Variants in ALPK2 observed in about 807,000 individuals in gnomAD.
ALPK2 encodes alpha kinase 2, also known as alpha-protein kinase 2.
ALPK2 carries 127 observed loss-of-function variants against 163.1 expected under a neutral mutation model. The ratio of observed to expected loss-of-function variants is 0.78; its 90% CI spans 0.67 to 0.90. The LOEUF is 0.90. Among genes scored for constraint, ALPK2 ranks in the 40% least tolerant of loss-of-function variants. The pLI is 0.00. For missense variants in ALPK2, 2,360 were observed against 2,589.6 expected (o/e 0.91, Z 1.92); for synonymous variants, 953 against 959.1 (o/e 0.99, Z 0.12).
intron 2 of ALPK2, among the ~76,000 whole-genome samples, chr18:58,611,170 C>G (rs768773407): frequency 6.7e-6 from 1 of 149,912 alleles, no homozygotes; most frequent in South Asian, 2.1e-4. Context: ...CCCAGCTACT[C>G]GGGAGGCTGA....
chr18:58,551,413 A>G (rs1248702326), intron 4 of ALPK2, among the ~76,000 whole-genome samples: 1 of 152,056 alleles, frequency 6.6e-6, no homozygotes, highest in African/African-American at 2.4e-5. Flanking sequence ...TCTTCCCTCT[A>G]TATCTTTCCG....
intron 4 of ALPK2, among the ~76,000 whole-genome samples, chr18:58,571,003 A>C (rs1056826450): frequency 4.6e-5 from 7 of 152,066 alleles, no homozygotes; most frequent in Non-Finnish European, 1.0e-4. Context: ...GACCTCAAAG[A>C]GGAGATGAGA....
chr18:58,603,066 TATA>T (rs2052079345), intron 3 of ALPK2, among the ~76,000 whole-genome samples: 1 of 152,234 alleles, frequency 6.6e-6, no homozygotes, highest in Non-Finnish European at 1.5e-5. Flanking sequence ...TTGTTTAGCA[TATA>T]ATCAATAAAT....
At chr18:58,563,832 T>C (rs1475155911) in intron 4 of ALPK2, among the ~76,000 whole-genome samples, 1 of 152,216 alleles carries the variant, frequency 6.6e-6, no homozygotes, top group African/African-American at 2.4e-5. Context: ...TCCCGATGGC[T>C]CTATTTATAC....
chr18:58,538,988 C>A (rs759800368), intron 4 of ALPK2, among the ~76,000 whole-genome samples: 2 of 152,106 alleles, frequency 1.3e-5, no homozygotes, highest in Non-Finnish European at 2.9e-5. Context: ...CTGAGGCCCT[C>A]ACCAGATGCA....
chr18:58,622,789 G>GTT, intron 1 of ALPK2, among the ~76,000 whole-genome samples: 1 of 152,058 alleles, frequency 6.6e-6, no homozygotes, highest in African/African-American at 2.4e-5. Context: ...CTCCACATTT[G>GTT]CCCAGGCTCC....
At chr18:58,589,261 G>T (rs762778896) in intron 3 of ALPK2, among the ~76,000 whole-genome samples, 2 of 152,174 alleles carry the variant, frequency 1.3e-5, no homozygotes, top group Non-Finnish European at 2.9e-5. Context: ...GAAGACCTAT[G>T]TCTGGGCTCC....
chr18:58,594,919 T>G (rs994402964), intron 3 of ALPK2, among the ~76,000 whole-genome samples: 5 of 152,194 alleles, frequency 3.3e-5, no homozygotes, highest in African/African-American at 1.2e-4. Flanking sequence ...CTGAGTCTTC[T>G]CCAGAGGATA....
At chr18:58,618,983 G>C (rs774026229) in intron 1 of ALPK2, among the ~76,000 whole-genome samples, 1 of 152,190 alleles carries the variant, frequency 6.6e-6, no homozygotes, top group Non-Finnish European at 1.5e-5. Context: ...GGACAGGAGG[G>C]ATTAGTTCTG....
chr18:58,487,312 C>T (rs746430561), intron 12 of ALPK2, among the ~76,000 whole-genome samples: 2 of 152,104 alleles, frequency 1.3e-5, no homozygotes, highest in Non-Finnish European at 2.9e-5. Flanking sequence ...TAAAGAGATG[C>T]GTCTATCAGT....
intron 2 of ALPK2, among the ~76,000 whole-genome samples, chr18:58,608,830 T>C (rs1053433040): frequency 6.6e-6 from 1 of 152,068 alleles, no homozygotes; most frequent in African/African-American, 2.4e-5. Context: ...TGTACACCTG[T>C]AGTCTCAGCT....
At position 58,537,564 on chromosome 18, in the gene ALPK2, T is replaced by G. The variant is rs34109891; in HGVS notation, c.2623A>C (p.Thr875Pro). The stretch of plus-strand genomic sequence containing the variant: ...TTGCCGTCCTTGCTGCTTTTGCACG[T>G]AGACACTGAAGTCTCAGACACTTGT... Reference protein sequence around the residue: ...QTQVSETSVSTCKSSKDGNSV... With the variant: ...QTQVSETSVSPCKSSKDGNSV... Residue 875 changes from threonine (T) to proline (P), a missense_variant, in exon 5 of 13, where the codon ACG (threonine) becomes CCG (proline). By Grantham distance (38) the Thr-to-Pro change is conservative (BLOSUM62 -1). Transcript: ENST00000361673. The G allele has an allele frequency of 0.018, 29,164 of 1,613,994 alleles. 322 individuals carry two copies. Among genetic ancestry groups the G allele is most frequent in the Middle Eastern group, 0.025 (150 of 6,060 alleles).
chr18:58,517,272 C>T (rs1458770709), intron 8 of ALPK2, 90 bp from the exon 9 acceptor site: 3 of 1,399,902 alleles, frequency 2.1e-6, no homozygotes, highest in Non-Finnish European at 9.7e-7. Flanking sequence ...CACATAAGGA[C>T]AATGACAAGG....
chr18:58,520,425 T>C (rs1356308948), intron 8 of ALPK2, among the ~76,000 whole-genome samples: 2 of 17,630 alleles, frequency 1.1e-4, no homozygotes, highest in Non-Finnish European at 2.9e-4. Flanking sequence ...TGAGACTCCG[T>C]CTCAAAAAAA....
At chr18:58,514,652 T>A (rs553508619) in intron 10 of ALPK2, among the ~76,000 whole-genome samples, 1 of 152,340 alleles carries the variant, frequency 6.6e-6, no homozygotes, top group South Asian at 2.1e-4. Flanking sequence ...TTGCTTACTG[T>A]TTAGACAATG....
chr18:58,521,616 T>TC, intron 8 of ALPK2, among the ~76,000 whole-genome samples: 1 of 92,268 alleles, frequency 1.1e-5, no homozygotes, highest in African/African-American at 3.8e-5. Flanking sequence ...TTTTTCTTTC[T>TC]TTCTCTCTCT....
intron 4 of ALPK2, among the ~76,000 whole-genome samples, chr18:58,573,576 A>G (rs898126519): frequency 4.3e-5 from 6 of 138,832 alleles, no homozygotes; most frequent in Non-Finnish European, 7.6e-5. Context: ...AACTCTGCCA[A>G]CACTTTTATC....
chr18:58,517,951 A>G (rs1036103305), intron 8 of ALPK2, among the ~76,000 whole-genome samples: 1 of 151,860 alleles, frequency 6.6e-6, no homozygotes, highest in Admixed American at 6.6e-5. Flanking sequence ...TTTTTTTTGC[A>G]GAGTGGATTC....
In ALPK2 at chr18:58,579,783, T is replaced by C. The variant is rs1281465156; in HGVS notation, c.993A>G (p.Glu331=). The C allele has an allele frequency of 6.2e-7, 1 of 1,614,066 alleles. No homozygotes were observed. The highest frequency in any genetic ancestry group is 8.5e-7 in the Non-Finnish European group (1 of 1,180,040). ...EFSDDDLEYL[E]CSDVMTDYSN... is the part of the protein sequence containing the mutation. Reference sequence around the variant, plus strand: ...AGTAATCCGTCATAACATCAGAACATTCCAGATACTCCAGGTCATCATCTG... The same window carrying C: ...AGTAATCCGTCATAACATCAGAACACTCCAGATACTCCAGGTCATCATCTG... The change falls in exon 4 of 13, where the codon GAA becomes GAG. Residue 331 remains glutamate (E), a synonymous_variant. Transcript: ENST00000361673.
Sources: gnomAD v4.1 joint callset for allele counts (sites outside exome capture counted in the v4.1 genomes callset) on GRCh38, gnomAD v4.1.1 for gene constraint, MANE v1.5 for transcripts, NCBI Gene and HGNC (gene_info 2026-07-23, HGNC 2026-07-21) for gene names.